APPL1: variants seen among roughly 807,000 people sequenced by gnomAD.
APPL1 encodes DCC-interacting protein 13-alpha.
APPL1 carries 42 observed loss-of-function variants against 106.8 expected under a neutral mutation model. The ratio of observed to expected loss-of-function variants is 0.39; its 90% CI spans 0.31 to 0.51. APPL1 has a LOEUF of 0.51. Ranked by LOEUF, APPL1 falls within the 20% of genes least tolerant of loss-of-function variation. The pLI, the probability that APPL1 is intolerant of heterozygous loss-of-function variation, is 0.75. For missense variants in APPL1, 769 were observed against 858.2 expected, an observed-to-expected ratio of 0.90 and a Z score of 1.30; for synonymous variants, 263 against 281.8, an observed-to-expected ratio of 0.93 and a Z score of 0.67.
In APPL1 at chr3:57,246,101, T is replaced by G; in HGVS notation, c.500T>G (p.Val167Gly). ...GTGAAGTATGAAGTAACAGAAGATGTGTACACATCCAGAAAGAAACAACAC... is the reference window on the plus strand; with the variant it reads ...GTGAAGTATGAAGTAACAGAAGATGGGTACACATCCAGAAAGAAACAACAC... Reference protein sequence around the residue: ...DKVKYEVTEDVYTSRKKQHQT... With the variant: ...DKVKYEVTEDGYTSRKKQHQT... Residue 167 changes from valine to glycine, a missense_variant, in exon 8 of 22, where the codon GTG (valine) becomes GGG (glycine). Physicochemically the swap from Val to Gly is moderately radical, Grantham distance 109. Coordinates refer to ENST00000288266, the MANE Select transcript of APPL1 (RefSeq NM_012096.3). 6.2e-7 allele frequency: 1 copy of G among 1,606,862 alleles called. No homozygotes were observed. Among genetic ancestry groups the G allele is most frequent in the Non-Finnish European group, 8.5e-7 (1 of 1,177,168 alleles).
intron 19 of APPL1, among the ~76,000 whole-genome samples, chr3:57,262,285 A>G (rs1301572873): frequency 6.9e-6 from 1 of 145,280 alleles, no homozygotes; most frequent in Non-Finnish European, 1.5e-5. Context: ...TATTGCCTAT[A>G]CTTTTGAGGT....
chr3:57,257,751 C>T (rs560230793), intron 15 of APPL1, among the ~76,000 whole-genome samples: 3 of 152,146 alleles, frequency 2.0e-5, no homozygotes, highest in African/African-American at 4.8e-5. Context: ...TTAAAAAATT[C>T]TTGAGGGTAA....
At chr3:57,230,679 T>C in intron 1 of APPL1, 5 of 391,750 alleles carry the variant, frequency 1.3e-5, no homozygotes, top group South Asian at 9.6e-5. Context: ...CTTTGGAGCA[T>C]AAATTTTCTT....
intron 8 of APPL1, among the ~76,000 whole-genome samples, chr3:57,246,687 A>G (rs2060775464): frequency 6.6e-6 from 1 of 152,196 alleles, no homozygotes; most frequent in Non-Finnish European, 1.5e-5. Context: ...ACAAAGTGTC[A>G]GTCTCCTAAA....
At position 57,259,672 on chromosome 3, in the gene APPL1, C is replaced by G. The variant is rs994460391; in HGVS notation, c.1484-173C>G. On this transcript the variant is annotated intron_variant, in intron 16 of 21. Coordinates refer to ENST00000288266, the MANE Select transcript of APPL1 (RefSeq NM_012096.3). ...CCTAATTTTCCTATAACTTGGAATA[C>G]TGTAGTTAGGAGTTATTTTGAAATG... 6 of 528,758 alleles carry G rather than the reference C, an allele frequency of 1.1e-5. No individual in the cohort carries two copies. The African/African-American group carries it at 1.2e-4, about 11-fold the overall frequency. The allele number at this position is 528,758 out of a possible 1,614,324, so 32.8% of individuals were successfully genotyped here.
chr3:57,233,676 G>C (rs1018797088), intron 1 of APPL1, among the ~76,000 whole-genome samples: 2 of 152,058 alleles, frequency 1.3e-5, no homozygotes, highest in African/African-American at 4.8e-5. Flanking sequence ...ACTGAAAATA[G>C]GGACTTACTG....
Position 57,259,045 on chromosome 3 carries a change from G to C in APPL1, c.1448G>C (p.Gly483Ala). 1.2e-6 allele frequency: 2 copies of C among 1,612,736 alleles called. No individual in the cohort carries two copies. Among genetic ancestry groups the C allele is most frequent in the South Asian group, 2.2e-5 (2 of 90,820 alleles). ...GQGGRRTNPF[G>A]ESGGSTKSET... ...CTTTTTAGGCGTACAAATCCATTTG[G>C]AGAATCTGGAGGAAGTACAAAATCT... is the stretch of plus-strand genomic sequence containing the variant. The change falls in exon 16 of 22, where the codon GGA becomes GCA. Residue 483 changes from glycine to alanine, a missense_variant. Coordinates refer to ENST00000288266, the MANE Select transcript of APPL1 (RefSeq NM_012096.3).
rs9822033 is a variant in APPL1 at position 57,247,555 on chromosome 3, T to C, written c.704+78T>C. 0.021 allele frequency: 19,459 copies of C among 909,852 alleles called. 2,522 individuals are homozygous for C. In the African/African-American group the frequency reaches 0.29, roughly 13 times the overall value. 56.4% of individuals were successfully genotyped at this position (909,852 alleles called of 1,614,324 possible). A position where few individuals can be genotyped will look rare whatever the true frequency, so the allele number is the denominator to read the frequency against. The stretch of plus-strand genomic sequence containing the variant: ...CTCAATGACATAATGTAAAGATATT[T>C]ATCATTTACTTTCCTGAGGGAATAT... On this transcript the variant is annotated intron_variant, in intron 9 of 21. Coordinates refer to ENST00000288266, the MANE Select transcript of APPL1 (RefSeq NM_012096.3).
At chr3:57,231,603 G>T (rs1006227752) in intron 1 of APPL1, among the ~76,000 whole-genome samples, 1 of 151,826 alleles carries the variant, frequency 6.6e-6, no homozygotes, top group African/African-American at 2.4e-5. Flanking sequence ...TTGAGGGTGG[G>T]GGTTCAAGAC....
chr3:57,246,094 G>C lies in APPL1; in HGVS notation c.493G>C (p.Glu165Gln). ...TTCAAAGGTGAAGTATGAAGTAACA[G>C]AAGATGTGTACACATCCAGAAAGAA... ...ENDKVKYEVT[E>Q]DVYTSRKKQH... Residue 165 changes from glutamate (E) to glutamine (Q), a missense_variant, in exon 8 of 22, where the codon GAA becomes CAA. Glu to Gln is a conservative substitution (Grantham distance 29, BLOSUM62 2). Transcript: ENST00000288266. The C allele has an allele frequency of 6.3e-7, 1 of 1,593,462 alleles. No individual in the cohort carries two copies. Among genetic ancestry groups the C allele is most frequent in the Non-Finnish European group, 8.5e-7 (1 of 1,172,866 alleles).
At chr3:57,237,904 C>T (rs992966037) in intron 3 of APPL1, 141 bp from the exon 4 acceptor site, 4 of 634,756 alleles carry the variant, frequency 6.3e-6, no homozygotes, top group African/African-American at 5.6e-5. Flanking sequence ...ATACATTACA[C>T]AATTTTAGTT....
At chr3:57,261,562 A>C (rs1187927333) in intron 19 of APPL1, among the ~76,000 whole-genome samples, 3 of 152,160 alleles carry the variant, frequency 2.0e-5, no homozygotes, top group Non-Finnish European at 4.4e-5. Flanking sequence ...TCTGTCGCCC[A>C]GGCTGGAATG....
In APPL1 at chr3:57,270,863, TAGG is replaced by T. The variant is rs1294318756; in HGVS notation, c.*1179_*1181del. 2 of 152,180 alleles carry T rather than the reference TAGG, an allele frequency of 1.3e-5. No homozygotes were observed. Among genetic ancestry groups the T allele is most frequent in the Non-Finnish European group, 2.9e-5 (2 of 68,004 alleles). The allele number at this position is 152,180 out of a possible 1,614,324, so 9.4% of individuals were successfully genotyped here. ...AATGAATTGAATGCCTAGTAGAGTA[TAGG>T]AGAAGTTGACCAAGGAAGGATTTAA... On this transcript the variant is annotated 3_prime_UTR_variant, in exon 22 of 22. Coordinates refer to ENST00000288266, the MANE Select transcript of APPL1 (RefSeq NM_012096.3).
In APPL1 at chr3:57,248,325, A is replaced by C. The variant is rs1559510095; in HGVS notation, c.837A>C (p.Arg279=). 6.2e-7 allele frequency: 1 copy of C among 1,614,158 alleles called. No individual in the cohort carries two copies. Among genetic ancestry groups the C allele is most frequent in the Non-Finnish European group, 8.5e-7 (1 of 1,180,020 alleles). ...TTCCTGTTAATCGAAATTTAACCCG[A>C]AAGGCTGGATACCTTAATGCTAGGA... is the stretch of plus-strand genomic sequence containing the variant. ...TKFPVNRNLT[R]KAGYLNARNK... is the part of the protein sequence containing the mutation. Residue 279 remains arginine (R), a synonymous_variant, in exon 10 of 22, where the codon CGA becomes CGC. Transcript: ENST00000288266.
chr3:57,242,193 T>A, intron 6 of APPL1, 51 bp downstream of exon 6: 1 of 1,352,204 alleles, frequency 7.4e-7, no homozygotes. Flanking sequence ...TATTTGTTTA[T>A]CAGTGCATAT....
chr3:57,248,317 T>C lies in APPL1; in HGVS notation c.829T>C (p.Leu277=), dbSNP rs758699945. The change falls in exon 10 of 22, where the codon TTA becomes CTA. Residue 277 remains leucine (L), a synonymous_variant. Coordinates refer to ENST00000288266, the MANE Select transcript of APPL1 (RefSeq NM_012096.3). Reference sequence around the variant, plus strand: ...CACCAAATTTCCTGTTAATCGAAATTTAACCCGAAAGGCTGGATACCTTAA... The same window carrying C: ...CACCAAATTTCCTGTTAATCGAAATCTAACCCGAAAGGCTGGATACCTTAA... ...DPTKFPVNRN[L]TRKAGYLNAR... 8.1e-5 allele frequency: 131 copies of C among 1,614,036 alleles called. No individual in the cohort carries two copies. The highest frequency in any genetic ancestry group is 1.1e-4 in the Non-Finnish European group (129 of 1,180,020).
At position 57,265,068 on chromosome 3, in the gene APPL1, TC is replaced by T. The variant is rs543271156; in HGVS notation, c.1843-2672del. Among the ~76,000 whole-genome samples, 598 of 152,254 alleles carry T rather than the reference TC, an allele frequency of 3.9e-3. 5 individuals are homozygous for T. The highest frequency in any genetic ancestry group is 5.9e-3 in the Non-Finnish European group (400 of 68,014). On this transcript the variant is annotated intron_variant, in intron 19 of 21. Transcript: ENST00000288266. ...TGGACATTTTAACAATATTGATTCT[TC>T]CAATCCATGAACGTGGAATATGTTT...
At chr3:57,258,776 T>C (rs2060850284) in intron 15 of APPL1, 3 of 342,226 alleles carry the variant, frequency 8.8e-6, no homozygotes, top group Non-Finnish European at 1.6e-5. Flanking sequence ...TTTATTATGT[T>C]GATTTTTTGT....
At chr3:57,246,612 A>C (rs1260139385) in intron 8 of APPL1, among the ~76,000 whole-genome samples, 1 of 152,216 alleles carries the variant, frequency 6.6e-6, no homozygotes, top group African/African-American at 2.4e-5. Flanking sequence ...TAAAAATAAT[A>C]GATGAACTCC....
Sources: allele counts gnomAD v4.1 joint callset (sites outside exome capture counted in the v4.1 genomes callset), GRCh38; gene constraint gnomAD v4.1.1; transcripts MANE v1.5; gene names NCBI Gene and HGNC (gene_info 2026-07-23, HGNC 2026-07-21).